Variants in LRRCC1 observed in about 807,000 individuals in gnomAD.
LRRCC1 encodes leucine rich repeat and coiled-coil centrosomal protein 1, also known as leucine-rich repeat and coiled-coil domain-containing protein 1.
Under a neutral mutation model 126.0 loss-of-function variants are expected in LRRCC1, and 115 were observed. The observed-to-expected ratio is 0.91, with a 90% CI of 0.78 to 1.07. The LOEUF (loss-of-function observed/expected upper bound fraction) is 1.07, where lower values mean the gene tolerates loss of function less well. LRRCC1 is among the 50% of genes least tolerant of loss of function. LRRCC1 has a pLI of 0.00. For missense variants in LRRCC1, 1,172 were observed against 1,175.7 expected, an observed-to-expected ratio of 1.00 and a Z score of 0.05; for synonymous variants, 400 against 393.4, an observed-to-expected ratio of 1.02 and a Z score of -0.20.
rs894342556 is a variant in LRRCC1, at chr8:85,112,955, A to G, written c.400A>G (p.Lys134Glu). 1 of 1,575,532 alleles carries G rather than the reference A, an allele frequency of 6.3e-7. No individual in the cohort carries two copies. The highest frequency in any genetic ancestry group is 8.6e-7 in the Non-Finnish European group (1 of 1,160,014). Reference sequence around the variant, plus strand: ...AGGATTGATTCCCCTTCATGGAATTAAGCATAAACTTAGATATATTGATCT... The same window carrying G: ...AGGATTGATTCCCCTTCATGGAATTGAGCATAAACTTAGATATATTGATCT... ...LSGLIPLHGI[K>E]HKLRYIDLHS... The change falls in exon 4 of 19, where the codon AAG (lysine) becomes GAG (glutamate). Residue 134 changes from lysine to glutamate, a missense_variant. Lys to Glu is a moderately conservative substitution (Grantham distance 56). Coordinates refer to ENST00000360375, the MANE Select transcript of LRRCC1 (RefSeq NM_033402.5).
intron 6 of LRRCC1, 101 bp downstream of exon 6, chr8:85,115,685 A>G (rs1809064359): frequency 2.7e-6 from 2 of 744,422 alleles, no homozygotes; most frequent in East Asian, 5.4e-5. Flanking sequence ...AACCTATTTT[A>G]GTGCATCAGT....
At position 85,138,197 on chromosome 8, in the gene LRRCC1, T is replaced by C; in HGVS notation, c.2656T>C (p.Leu886=). ...NERKEKLKQQ[L]KGKEVELEEI... ...AAGAAAAGAAAAACTAAAACAACAG[T>C]TGAAAGGAAAGGAAGTAGAACTTGA... The change falls in exon 16 of 19, where the codon TTG becomes CTG. Residue 886 remains leucine, a synonymous_variant. Coordinates refer to ENST00000360375, the MANE Select transcript of LRRCC1 (RefSeq NM_033402.5). The C allele has an allele frequency of 6.2e-7, 1 of 1,611,926 alleles. No individual in the cohort carries two copies. The highest frequency in any genetic ancestry group is 2.2e-5 in the East Asian group (1 of 44,730).
intron 17 of LRRCC1, 60 bp downstream of exon 17, chr8:85,138,535 T>G: frequency 6.7e-7 from 1 of 1,494,768 alleles, no homozygotes; most frequent in Non-Finnish European, 9.0e-7. Flanking sequence ...GTGGAATGGG[T>G]GAAATACGTA....
Position 85,123,470 on chromosome 8 carries a change from G to A in LRRCC1, c.988G>A (p.Asp330Asn). Reference protein sequence around the residue: ...EKDPRPKRDTDITSESDYGNR... With the variant: ...EKDPRPKRDTNITSESDYGNR... ...AGACCCCAGACCAAAAAGAGACACA[G>A]ATATAACTTCTGAAAGTGACTATGG... Residue 330 changes from aspartate to asparagine, a missense_variant, in exon 7 of 19, where the codon GAT becomes AAT. Asp to Asn is a conservative substitution (Grantham distance 23). Transcript: ENST00000360375. The A allele has an allele frequency of 4.3e-6, 7 of 1,609,900 alleles. No individual in the cohort carries two copies. Among genetic ancestry groups the A allele is most frequent in the Middle Eastern group, 3.3e-4 (2 of 6,040 alleles).
intron 4 of LRRCC1, among the ~76,000 whole-genome samples, chr8:85,114,797 T>C (rs1808977343): frequency 6.6e-6 from 1 of 152,160 alleles, no homozygotes; most frequent in Non-Finnish European, 1.5e-5. Context: ...AGAATAAATT[T>C]CTACTAGTTT....
intron 11 of LRRCC1, 36 bp downstream of exon 11, chr8:85,130,094 TA>T: frequency 6.8e-7 from 1 of 1,466,050 alleles, no homozygotes; most frequent in Non-Finnish European, 9.0e-7. Context: ...TATTGGCATT[TA>T]AAAAAAGAAA....
intron 13 of LRRCC1, 135 bp downstream of exon 13, chr8:85,135,167 ATAAC>A (rs1487504498): frequency 5.4e-5 from 29 of 532,264 alleles, no homozygotes; most frequent in Admixed American, 8.1e-5. Flanking sequence ...GAAAAATAGT[ATAAC>A]TAAAGAAATT....
Position 85,126,673 on chromosome 8 carries a change from T to C in LRRCC1, c.1273-16T>C, listed in dbSNP as rs1460000468. On this transcript the variant is annotated splice_polypyrimidine_tract_variant and intron_variant, in intron 8 of 18. Coordinates refer to ENST00000360375, the MANE Select transcript of LRRCC1 (RefSeq NM_033402.5). Reference sequence around the variant, plus strand: ...TAACTTTTCTAAGTTCACATAACTTTGTTGTTTTCTTTCAGTCCCTTGTTG... The same window carrying C: ...TAACTTTTCTAAGTTCACATAACTTCGTTGTTTTCTTTCAGTCCCTTGTTG... The C allele has an allele frequency of 3.7e-6, 6 of 1,601,064 alleles. No individual in the cohort carries two copies. The highest frequency in any genetic ancestry group is 5.1e-6 in the Non-Finnish European group (6 of 1,176,624).
intron 11 of LRRCC1, among the ~76,000 whole-genome samples, chr8:85,130,260 C>T (rs1040088662): frequency 2.6e-5 from 4 of 151,458 alleles, no homozygotes; most frequent in African/African-American, 7.3e-5. Context: ...CTCAGCCTCC[C>T]GAGTAGCTGG....
At chr8:85,113,539 C>T (rs760953739) in intron 4 of LRRCC1, among the ~76,000 whole-genome samples, 4 of 151,934 alleles carry the variant, frequency 2.6e-5, no homozygotes, top group African/African-American at 9.7e-5. Flanking sequence ...CAAACATTTA[C>T]GTACATACAT....
In LRRCC1 at chr8:85,123,607, G is replaced by T. The variant is rs564890641; in HGVS notation, c.1124+1G>T. On this transcript the variant is annotated splice_donor_variant, in intron 7 of 18. Transcript: ENST00000360375. LOFTEE classifies it high-confidence loss of function. ...ATAAAAACTACAACTCTTTTGTAAG[G>T]TACTTGTTTTAGTTTTAGAAATTTA... 1.3e-5 allele frequency: 20 copies of T among 1,560,872 alleles called. No individual in the cohort carries two copies. In the South Asian group the frequency reaches 2.1e-4, roughly 16 times the overall value.
At chr8:85,125,836 G>A (rs1217361048) in intron 8 of LRRCC1, among the ~76,000 whole-genome samples, 1 of 151,732 alleles carries the variant, frequency 6.6e-6, no homozygotes, top group Admixed American at 6.6e-5. Context: ...TAATAGAATT[G>A]GTACATTTTA....
chr8:85,130,654 A>G (rs755971484), intron 11 of LRRCC1, among the ~76,000 whole-genome samples: 1 of 152,212 alleles, frequency 6.6e-6, no homozygotes, highest in Non-Finnish European at 1.5e-5. Context: ...AACCCAGCCA[A>G]AAGTTGGTCT....
At chr8:85,113,275 C>T (rs1808864247) in intron 4 of LRRCC1, among the ~76,000 whole-genome samples, 176 bp downstream of exon 4, 1 of 152,024 alleles carries the variant, frequency 6.6e-6, no homozygotes, top group Non-Finnish European at 1.5e-5. Context: ...TGTTACAGAA[C>T]ACAAGATGAA....
intron 2 of LRRCC1, 24 bp from the exon 3 acceptor site, chr8:85,110,086 CTTTAT>C (rs1808587412): frequency 5.4e-6 from 5 of 932,148 alleles, no homozygotes; most frequent in Non-Finnish European, 8.1e-6. Context: ...TTTATAAAGG[CTTTAT>C]TTTATTTTAC....
At chr8:85,132,633 TC>T (rs1370412106) in intron 12 of LRRCC1, among the ~76,000 whole-genome samples, 1 of 152,144 alleles carries the variant, frequency 6.6e-6, no homozygotes, top group Admixed American at 6.5e-5. Context: ...TCTCAGATGA[TC>T]CGCCTGCCTC....
At chr8:85,108,077 C>T (rs546663010) in intron 1 of LRRCC1, among the ~76,000 whole-genome samples, 1 of 152,352 alleles carries the variant, frequency 6.6e-6, no homozygotes, top group South Asian at 2.1e-4. Context: ...AGTCTCGACC[C>T]GTAACATTTC....
chr8:85,129,337 A>G lies in LRRCC1; in HGVS notation c.1584A>G (p.Leu528=), dbSNP rs368528392. The G allele has an allele frequency of 2.6e-5, 42 of 1,612,668 alleles. No homozygotes were observed. The African/African-American group carries it at 5.1e-4, about 19-fold the overall frequency. ...ACTTAAGAACCCTCGAAAAAACATT[A>G]GAAAAAATGGAGAGACAAAAAAGGC... The part of the protein sequence containing the change: ...LKHLRTLEKT[L]EKMERQKRQQ... Residue 528 remains leucine, a synonymous_variant, in exon 10 of 19, where the codon TTA becomes TTG. Coordinates refer to ENST00000360375, the MANE Select transcript of LRRCC1 (RefSeq NM_033402.5).
chr8:85,129,255 A>G lies in LRRCC1; in HGVS notation c.1502A>G (p.Lys501Arg). The G allele has an allele frequency of 1.2e-6, 2 of 1,613,744 alleles. No individual in the cohort carries two copies. The highest frequency in any genetic ancestry group is 3.3e-5 in the Admixed American group (2 of 60,000). The change falls in exon 10 of 19, where the codon AAA becomes AGA. Residue 501 changes from lysine to arginine, a missense_variant. By Grantham distance (26) the Lys-to-Arg change is conservative (BLOSUM62 2). Coordinates refer to ENST00000360375, the MANE Select transcript of LRRCC1 (RefSeq NM_033402.5). Reference sequence around the variant, plus strand: ...GTTCACAAACTTCAAAATGAAATTAAAAAACTGACTGTTGAACTAATGAAA... The same window carrying G: ...GTTCACAAACTTCAAAATGAAATTAGAAAACTGACTGTTGAACTAATGAAA... The part of the protein sequence containing the change: ...VMVHKLQNEI[K>R]KLTVELMKAK...
Sources: gnomAD v4.1 joint callset for allele counts (sites outside exome capture counted in the v4.1 genomes callset) on GRCh38, gnomAD v4.1.1 for gene constraint, MANE v1.5 for transcripts, NCBI Gene and HGNC (gene_info 2026-07-23, HGNC 2026-07-21) for gene names.